The following NLRP2 variants were observed in gnomAD, a reference collection of about 807,000 sequenced individuals.
NLRP2 encodes the protein NACHT, LRR and PYD domains-containing protein 2.
A neutral mutation model predicts 97.2 loss-of-function variants in NLRP2; 107 were observed. That is an observed-to-expected ratio of 1.10 (90% CI 0.94 to 1.29). NLRP2 has a LOEUF of 1.29. Among genes scored for constraint, NLRP2 ranks in the 50% most tolerant of loss-of-function variants. NLRP2 has a pLI of 0.00. For missense variants in NLRP2, 1,495 were observed against 1,330.3 expected, an observed-to-expected ratio of 1.12 and a Z score of -1.93; for synonymous variants, 663 against 551.5, an observed-to-expected ratio of 1.20 and a Z score of -2.83.
chr19:54,968,701 C>CTTTTTTTTTTTTTTTTTTTTTTTTTTTT (rs61212213), intron 1 of NLRP2, among the ~76,000 whole-genome samples: 2 of 114,282 alleles, frequency 1.8e-5, no homozygotes, highest in African/African-American at 7.5e-5. Context: ...ATCTTTAAGC[C>CTTTTTTTTTTTTTTTTTTTTTTTTTTTT]TTTTTTTTTT....
intron 10 of NLRP2, among the ~76,000 whole-genome samples, chr19:54,992,110 T>A (rs1602417783): frequency 1.3e-5 from 2 of 151,638 alleles, no homozygotes; most frequent in African/African-American, 4.8e-5. Flanking sequence ...AGAGATGGGA[T>A]TTCACCATGT....
chr19:54,983,928 G>A (rs2071843505), intron 6 of NLRP2, among the ~76,000 whole-genome samples, 200 bp downstream of exon 6: 2 of 152,104 alleles, frequency 1.3e-5, no homozygotes, highest in Admixed American at 1.3e-4. Context: ...TTGGCTCCCT[G>A]CAACCTCCGC....
At chr19:54,975,964 G>T in intron 3 of NLRP2, among the ~76,000 whole-genome samples, 1 of 150,862 alleles carries the variant, frequency 6.6e-6, no homozygotes, top group Non-Finnish European at 1.5e-5. Flanking sequence ...GCCAGATATG[G>T]TGTCAAACTC....
At chr19:54,976,808 C>CTTTTTT (rs1344091709) in intron 3 of NLRP2, 8 of 229,382 alleles carry the variant, frequency 3.5e-5, no homozygotes, top group African/African-American at 1.5e-4. Flanking sequence ...ACCTTGTTCT[C>CTTTTTT]TCTCTTTTTT....
chr19:54,977,471 C>G (rs2071309702), intron 3 of NLRP2, among the ~76,000 whole-genome samples: 1 of 137,062 alleles, frequency 7.3e-6, no homozygotes, highest in Non-Finnish European at 1.5e-5. Flanking sequence ...TTCCAGTGGC[C>G]TTATGCGTGA....
intron 4 of NLRP2, among the ~76,000 whole-genome samples, chr19:54,979,327 C>G (rs967485198): frequency 2.0e-5 from 3 of 151,854 alleles, no homozygotes; most frequent in Non-Finnish European, 2.9e-5. Context: ...CACATTCCCT[C>G]TTATCTTCCT....
chr19:54,967,625 T>C (rs2070545242), intron 1 of NLRP2, among the ~76,000 whole-genome samples: 1 of 151,786 alleles, frequency 6.6e-6, no homozygotes, highest in Non-Finnish European at 1.5e-5. Flanking sequence ...GGATTTAGGA[T>C]AGAGCTATAG....
intron 5 of NLRP2, among the ~76,000 whole-genome samples, chr19:54,981,909 G>A (rs957187197): frequency 1.3e-5 from 2 of 152,056 alleles, no homozygotes; most frequent in Non-Finnish European, 2.9e-5. Context: ...CTCCCGAGTA[G>A]CTGGGATTAC....
At chr19:55,000,591 TTAA>T (rs201601078) in intron 12 of NLRP2, among the ~76,000 whole-genome samples, 166 bp from the exon 13 acceptor site, 9,495 of 143,388 alleles carry the variant, frequency 0.066, 308 homozygotes, top group South Asian at 0.1. Flanking sequence ...AGACTGTCTT[TTAA>T]AAAAAAAAAA....
At position 54,983,300 on chromosome 19, in the gene NLRP2, C is replaced by T. The variant is rs144234287; in HGVS notation, c.1602C>T (p.Asp534=). Residue 534 remains aspartate (D), a synonymous_variant, in exon 6 of 13, where the codon GAC becomes GAT. Transcript: ENST00000448584. ...ACGGCCACACCTGGGACATTGGGGA[C>T]GTACAGAAGCTGCTTTCCGGAGTAG... ...DRDGHTWDIG[D]VQKLLSGVER... 3.5e-4 allele frequency: 573 copies of T among 1,614,132 alleles called. 1 individual carries two copies. Among genetic ancestry groups the T allele is most frequent in the Non-Finnish European group, 4.6e-4 (542 of 1,180,022 alleles).
intron 4 of NLRP2, among the ~76,000 whole-genome samples, chr19:54,978,057 AGTTTTT>A (rs749324557): frequency 9.9e-5 from 15 of 151,854 alleles, no homozygotes; most frequent in South Asian, 6.2e-4. Flanking sequence ...CAGCGCAGAG[AGTTTTT>A]GTTTTTGTTT....
chr19:54,980,356 G>A (rs1310909327), intron 4 of NLRP2, among the ~76,000 whole-genome samples: 1 of 150,878 alleles, frequency 6.6e-6, no homozygotes, highest in Non-Finnish European at 1.5e-5. Context: ...CCACACGCCC[G>A]GCTAATTTTT....
chr19:54,970,825 ATTT>A (rs1209596749), intron 2 of NLRP2, among the ~76,000 whole-genome samples: 2 of 64,848 alleles, frequency 3.1e-5, no homozygotes, highest in Non-Finnish European at 7.3e-5. Flanking sequence ...TATTATTATT[ATTT>A]TTTTTATTAT....
At chr19:54,988,001 G>A (rs781087698) in intron 8 of NLRP2, among the ~76,000 whole-genome samples, 1 of 151,972 alleles carries the variant, frequency 6.6e-6, no homozygotes, top group Non-Finnish European at 1.5e-5. Context: ...CCAAGATCAC[G>A]CCATTGCACT....
In NLRP2 at chr19:54,982,944, G is replaced by C; in HGVS notation, c.1246G>C (p.Glu416Gln). The change falls in exon 6 of 13, where the codon GAG (glutamate) becomes CAG (glutamine). Residue 416 changes from glutamate (E) to glutamine (Q), a missense_variant. By Grantham distance (29) the Glu-to-Gln change is conservative. Coordinates refer to ENST00000448584, the MANE Select transcript of NLRP2 (RefSeq NM_017852.5). Reference protein sequence around the residue: ...TTLKLQMEKGEDPVPTCLTRT... With the variant: ...TTLKLQMEKGQDPVPTCLTRT... The stretch of plus-strand genomic sequence containing the variant: ...TCTGAAGCTGCAGATGGAGAAGGGG[G>C]AGGACCCGGTCCCCACCTGCCTCAC... 6.2e-7 allele frequency: 1 copy of C among 1,612,680 alleles called. No homozygotes were observed. Among genetic ancestry groups the C allele is most frequent in the Non-Finnish European group, 8.5e-7 (1 of 1,180,004 alleles).
At chr19:54,985,625 C>G (rs2072005607) in intron 7 of NLRP2, among the ~76,000 whole-genome samples, 1 of 146,600 alleles carries the variant, frequency 6.8e-6, no homozygotes, top group Non-Finnish European at 1.5e-5. Flanking sequence ...TTGCAGTGAA[C>G]CAAGATCCTG....
chr19:54,984,663 A>G (rs916265896), intron 6 of NLRP2, among the ~76,000 whole-genome samples: 3 of 150,942 alleles, frequency 2.0e-5, no homozygotes, highest in African/African-American at 7.3e-5. Flanking sequence ...TTGTACTTTT[A>G]GTAGAGACGG....
At position 54,983,044 on chromosome 19, in the gene NLRP2, C is replaced by T. The variant is rs144271525; in HGVS notation, c.1346C>T (p.Thr449Met). Residue 449 changes from threonine to methionine, a missense_variant, in exon 6 of 13, where the codon ACG becomes ATG. Coordinates refer to ENST00000448584, the MANE Select transcript of NLRP2 (RefSeq NM_017852.5). ...QGAQLRGALR[T>M]LSLLAAQGLW... ...GCACAGCTGCGGGGCGCGCTGCGGA[C>T]GCTGAGCCTCCTGGCCGCGCAGGGC... 3.2e-4 allele frequency: 517 copies of T among 1,611,334 alleles called. No individual in the cohort carries two copies. Among genetic ancestry groups the T allele is most frequent in the Non-Finnish European group, 4.1e-4 (484 of 1,179,324 alleles).
chr19:54,996,342 C>G (rs1460998575), intron 11 of NLRP2, among the ~76,000 whole-genome samples: 2 of 151,972 alleles, frequency 1.3e-5, no homozygotes, highest in Admixed American at 6.6e-5. Context: ...GAAACCCTGT[C>G]TCTCTAAAAC....
Sources: allele counts gnomAD v4.1 joint callset (sites outside exome capture counted in the v4.1 genomes callset), GRCh38; gene constraint gnomAD v4.1.1; transcripts MANE v1.5; gene names NCBI Gene and HGNC (gene_info 2026-07-23, HGNC 2026-07-21).